The following LTBP1 variants were observed in gnomAD, a reference collection of about 807,000 sequenced individuals.
LTBP1 encodes the protein latent transforming growth factor beta binding protein 1.
Under a neutral mutation model 207.6 loss-of-function variants are expected in LTBP1, and 129 were observed. That is an observed-to-expected ratio of 0.62 (90% CI 0.54 to 0.72). The LOEUF (loss-of-function observed/expected upper bound fraction) is 0.72. Ranked by LOEUF, LTBP1 falls within the 30% of genes least tolerant of loss-of-function variation. The pLI is 0.00. For missense variants in LTBP1, 2,281 were observed against 2,217.2 expected (o/e 1.03, Z -0.58); for synonymous variants, 963 against 833.7 (o/e 1.16, Z -2.67).
chr2:33,026,646 T>A (rs1273256582), intron 3 of LTBP1, among the ~76,000 whole-genome samples: 1 of 152,266 alleles, frequency 6.6e-6, no homozygotes, highest in African/African-American at 2.4e-5. Context: ...AAAAAAGGCA[T>A]TGAACGAAAG....
At chr2:32,989,233 A>G (rs554087924) in intron 2 of LTBP1, among the ~76,000 whole-genome samples, 2 of 152,354 alleles carry the variant, frequency 1.3e-5, no homozygotes, top group East Asian at 3.9e-4. Context: ...CTTATTAATT[A>G]ATGTGGGAAC....
At position 33,296,115 on chromosome 2, in the gene LTBP1, T is replaced by C. The variant is rs200851049; in HGVS notation, c.3235+2833T>C. 3.3e-5 allele frequency among the ~76,000 whole-genome samples: 5 copies of C among 152,204 alleles called. No individual in the cohort carries two copies. In the East Asian group the frequency reaches 9.6e-4, roughly 29 times the overall value. ...AGGTATTATTTCTTCCCCCATACAC[T>C]GGATCAATGGTGGATGAGGATCTCA... On this transcript the variant is annotated intron_variant, in intron 20 of 33. Transcript: ENST00000404816.
intron 3 of LTBP1, among the ~76,000 whole-genome samples, chr2:33,092,532 C>G (rs1343267699): frequency 1.3e-5 from 2 of 152,200 alleles, no homozygotes; most frequent in African/African-American, 4.8e-5. Context: ...ATTCCTCACT[C>G]CCTGCCTTCT....
At chr2:33,270,098 A>G (rs1045262428) in intron 15 of LTBP1, among the ~76,000 whole-genome samples, 1 of 150,724 alleles carries the variant, frequency 6.6e-6, no homozygotes, top group Admixed American at 6.6e-5. Context: ...TTCTATTTTT[A>G]GTAAGGATGG....
chr2:33,065,263 A>G (rs1271504325), intron 3 of LTBP1, among the ~76,000 whole-genome samples: 1 of 152,214 alleles, frequency 6.6e-6, no homozygotes, highest in Non-Finnish European at 1.5e-5. Context: ...TACTAGGATA[A>G]ATTCCACTTG....
At chr2:33,155,892 ATTC>A (rs2083935346) in intron 5 of LTBP1, among the ~76,000 whole-genome samples, 1 of 152,212 alleles carries the variant, frequency 6.6e-6, no homozygotes. Flanking sequence ...AAGGTACCAA[ATTC>A]TTCTTCCTTT....
At chr2:33,018,686 G>A (rs1688728862) in intron 2 of LTBP1, among the ~76,000 whole-genome samples, 1 of 152,164 alleles carries the variant, frequency 6.6e-6, no homozygotes, top group Non-Finnish European at 1.5e-5. Context: ...CTGAATTCTA[G>A]AAACACAGAG....
chr2:33,141,117 C>T (rs2082615390), intron 5 of LTBP1, among the ~76,000 whole-genome samples: 1 of 152,234 alleles, frequency 6.6e-6, no homozygotes, highest in South Asian at 2.1e-4. Flanking sequence ...TCCTTGCCCT[C>T]CTCCGGCATT....
At chr2:33,305,463 G>T (rs552221920) in intron 22 of LTBP1, among the ~76,000 whole-genome samples, 1 of 152,288 alleles carries the variant, frequency 6.6e-6, no homozygotes, top group Admixed American at 6.5e-5. Context: ...TAGAGGCCTC[G>T]CTGGGATGAT....
In LTBP1 at chr2:33,140,669, ATT is replaced by A. The variant is rs200209189; in HGVS notation, c.1201+5723_1201+5724del. Among the ~76,000 whole-genome samples the A allele has an allele frequency of 4.2e-3, 591 of 141,692 alleles. 5 individuals carry two copies. The highest frequency in any genetic ancestry group is 0.016 in the East Asian group (76 of 4,840). The allele number at this position is 141,692 out of a possible 152,430, so 93.0% of individuals were successfully genotyped here. A position where few individuals can be genotyped will look rare whatever the true frequency, so the allele number is the denominator to read the frequency against. On this transcript the variant is annotated intron_variant, in intron 5 of 33. Coordinates refer to ENST00000404816, the MANE Select transcript of LTBP1 (RefSeq NM_206943.4). ...ATTTATTTATTTTATTAATTAATTAATTTTTTTTTTTTTTTGAGATAGAGTTT... is the reference window on the plus strand; with the variant it reads ...ATTTATTTATTTTATTAATTAATTAATTTTTTTTTTTTTGAGATAGAGTTT...
intron 3 of LTBP1, chr2:33,056,226 T>C (rs552548477): frequency 1.7e-5 from 6 of 357,118 alleles, no homozygotes; most frequent in Non-Finnish European, 3.1e-5. Context: ...GTGGGTCGAA[T>C]TGGTCCCAAT....
chr2:33,324,454 G>C (rs1201817183), intron 24 of LTBP1, among the ~76,000 whole-genome samples: 2 of 151,846 alleles, frequency 1.3e-5, no homozygotes, highest in East Asian at 3.9e-4. Flanking sequence ...TACTATTTGT[G>C]GTTCCAGGCA....
chr2:33,354,332 GA>G (rs765665979), intron 26 of LTBP1, among the ~76,000 whole-genome samples: 2 of 151,820 alleles, frequency 1.3e-5, no homozygotes, highest in Admixed American at 6.6e-5. Context: ...CTTTTGGTAG[GA>G]AAAAAATATT....
rs1381365902 is a variant in LTBP1 at position 33,134,050 on chromosome 2, C to T, written c.1034-743C>T. 2.0e-5 allele frequency among the ~76,000 whole-genome samples: 3 copies of T among 152,164 alleles called. No homozygotes were observed. Among genetic ancestry groups the T allele is most frequent in the African/African-American group, 7.2e-5 (3 of 41,430 alleles). On this transcript the variant is annotated intron_variant, in intron 4 of 33. Coordinates refer to ENST00000404816, the MANE Select transcript of LTBP1 (RefSeq NM_206943.4). This position sits in a 1 kb window ranked among gnomAD's most constrained non-coding sequence, Gnocchi z 4.4. ...ACTCCAGGTGGTCTATGAATAGAGA[C>T]AGTGAGAGCCCAAGGGTGTTATTTT...
chr2:33,300,471 G>A lies in LTBP1; in HGVS notation c.3256G>A (p.Gly1086Arg), dbSNP rs1438665322. 6.2e-7 allele frequency: 1 copy of A among 1,613,520 alleles called. No homozygotes were observed. Among genetic ancestry groups the A allele is most frequent in the Non-Finnish European group, 8.5e-7 (1 of 1,179,656 alleles). The change falls in exon 21 of 34, where the codon GGG becomes AGG. Residue 1086 changes from glycine to arginine, a missense_variant. Coordinates refer to ENST00000404816, the MANE Select transcript of LTBP1 (RefSeq NM_206943.4). The part of the protein sequence containing the change: ...HCRDIDECQQ[G>R]NLCVNGQCKN... ...TGCAGATATTGATGAATGTCAGCAA[G>A]GGAATCTATGTGTAAACGGGCAGTG...
At chr2:33,366,901 A>G (rs769371818) in intron 31 of LTBP1, among the ~76,000 whole-genome samples, 48 of 152,148 alleles carry the variant, frequency 3.2e-4, no homozygotes, top group Non-Finnish European at 5.7e-4. Context: ...TTTTTTATTT[A>G]TGCAGTGGTT....
chr2:33,293,323 C>T (rs747452599), intron 20 of LTBP1, 41 bp downstream of exon 20: 6 of 1,567,008 alleles, frequency 3.8e-6, no homozygotes, highest in Middle Eastern at 1.7e-4. Flanking sequence ...ATTTAAACTT[C>T]ATTTAAATAT....
chr2:32,970,190 A>G (rs1320010332), intron 2 of LTBP1, among the ~76,000 whole-genome samples: 1 of 152,156 alleles, frequency 6.6e-6, no homozygotes, highest in Non-Finnish European at 1.5e-5. Context: ...ATAGTTTGCA[A>G]ATATTTTCTT....
intron 2 of LTBP1, among the ~76,000 whole-genome samples, chr2:33,013,626 A>G (rs1444519042): frequency 6.6e-6 from 1 of 152,198 alleles, no homozygotes; most frequent in Admixed American, 6.5e-5. Flanking sequence ...TAAGATCAGA[A>G]ACAATCCAGG....
Sources: allele counts gnomAD v4.1 joint callset (sites outside exome capture counted in the v4.1 genomes callset), GRCh38; gene constraint gnomAD v4.1.1; non-coding constraint Gnocchi (gnomAD v3.1); transcripts MANE v1.5; gene names NCBI Gene and HGNC (gene_info 2026-07-23, HGNC 2026-07-21).